The following COPZ1 variants were observed in gnomAD, a reference collection of about 807,000 sequenced individuals.
The protein encoded by COPZ1 is coat protein complex I subunit zeta 1, also known as coatomer subunit zeta-1.
COPZ1 carries 4 observed loss-of-function variants against 31.7 expected under a neutral mutation model. The ratio of observed to expected loss-of-function variants is 0.13; its 90% CI spans 0.06 to 0.29. The LOEUF (loss-of-function observed/expected upper bound fraction) is 0.29. Among genes scored for constraint, COPZ1 ranks in the 10% least tolerant of loss-of-function variants. The probability of loss-of-function intolerance (pLI) is 1.00; values close to 1 mark genes in which losing one functional copy is unlikely to be tolerated. For missense variants in COPZ1, 156 were observed against 211.5 expected (o/e 0.74, Z 1.63); for synonymous variants, 74 against 79.0 (o/e 0.94, Z 0.33).
intron 1 of COPZ1, among the ~76,000 whole-genome samples, chr12:54,336,105 C>A (rs893379086): frequency 6.6e-6 from 1 of 152,210 alleles, no homozygotes; most frequent in African/African-American, 2.4e-5. Flanking sequence ...ATCCTCTCTA[C>A]CTTCCCCAAA....
chr12:54,340,439 A>G, intron 1 of COPZ1, 108 bp from the exon 2 acceptor site: 7 of 1,528,984 alleles, frequency 4.6e-6, no homozygotes, highest in Non-Finnish European at 6.1e-6. Flanking sequence ...GGACTTACAG[A>G]GGTACCTCTG....
intron 1 of COPZ1, among the ~76,000 whole-genome samples, chr12:54,339,247 C>T (rs923224420): frequency 1.4e-5 from 2 of 147,318 alleles, no homozygotes; most frequent in Admixed American, 1.4e-4. Context: ...TACAGTGACA[C>T]CTTTTCTCTT....
At chr12:54,340,326 T>C (rs1052713666) in intron 1 of COPZ1, 2 of 621,698 alleles carry the variant, frequency 3.2e-6, no homozygotes, top group African/African-American at 1.9e-5. Context: ...TCTCTGATGG[T>C]ACTTTGGAAT....
chr12:54,339,980 C>T lies in COPZ1; in HGVS notation c.19-567C>T, dbSNP rs948279095. On this transcript the variant is annotated intron_variant, in intron 1 of 8. Coordinates refer to ENST00000262061, the MANE Select transcript of COPZ1 (RefSeq NM_016057.3). ...TGCATTGAGAACTGGTGTGCCTGTG[C>T]GTGTGTGTGTGTGTGTGTGTGTGTG... Among the ~76,000 whole-genome samples the T allele has an allele frequency of 2.8e-3, 398 of 142,164 alleles. 10 individuals are homozygous for T. Among genetic ancestry groups the T allele is most frequent in the Admixed American group, 0.025 (357 of 14,154 alleles). The allele number at this position is 142,164 out of a possible 152,430, so 93.3% of individuals were successfully genotyped here. A position where few individuals can be genotyped will look rare whatever the true frequency, so the allele number is the denominator to read the frequency against.
chr12:54,330,320 C>T (rs2137085657), intron 1 of COPZ1, among the ~76,000 whole-genome samples: 1 of 152,292 alleles, frequency 6.6e-6, no homozygotes, highest in South Asian at 2.1e-4. Flanking sequence ...TGCTGTTACT[C>T]TGGCCAGCTT....
chr12:54,327,740 G>A (rs1308328864), intron 1 of COPZ1, among the ~76,000 whole-genome samples: 1 of 151,906 alleles, frequency 6.6e-6, no homozygotes, highest in Non-Finnish European at 1.5e-5. Context: ...CTCCAGCATG[G>A]GTGACAAAGC....
At chr12:54,343,101 C>G in intron 3 of COPZ1, 124 bp from the exon 4 acceptor site, 2 of 759,568 alleles carry the variant, frequency 2.6e-6, no homozygotes, top group South Asian at 3.1e-5. Context: ...AGGTGATCCG[C>G]CAGGCTCGGC....
chr12:54,325,334 T>A, intron 1 of COPZ1, 153 bp downstream of exon 1: 1 of 1,044,400 alleles, frequency 9.6e-7, no homozygotes, highest in Non-Finnish European at 1.4e-6. Flanking sequence ...TGGCCTAGTG[T>A]AGGAGCTAAA....
At chr12:54,343,056 T>C (rs937506325) in intron 3 of COPZ1, among the ~76,000 whole-genome samples, 169 bp from the exon 4 acceptor site, 1 of 151,938 alleles carries the variant, frequency 6.6e-6, no homozygotes, top group Non-Finnish European at 1.5e-5. Flanking sequence ...GGGGTTTCAC[T>C]GTGTTGGCCA....
chr12:54,331,832 G>C (rs1180377715), intron 1 of COPZ1, among the ~76,000 whole-genome samples: 1 of 152,088 alleles, frequency 6.6e-6, no homozygotes, highest in Non-Finnish European at 1.5e-5. Flanking sequence ...TGTTATTTAA[G>C]TGAGGGCTCC....
At chr12:54,344,249 G>A (rs762607070) in intron 4 of COPZ1, among the ~76,000 whole-genome samples, 14 of 152,052 alleles carry the variant, frequency 9.2e-5, no homozygotes, top group African/African-American at 3.1e-4. Flanking sequence ...TCAGGAGTTC[G>A]CGACCAGGCT....
chr12:54,343,679 C>G (rs1442094143), intron 4 of COPZ1, among the ~76,000 whole-genome samples: 3 of 152,170 alleles, frequency 2.0e-5, no homozygotes, highest in African/African-American at 7.2e-5. Context: ...AGCTAACAAC[C>G]TGGGTCATGT....
intron 1 of COPZ1, among the ~76,000 whole-genome samples, chr12:54,328,423 A>G (rs1437222943): frequency 6.6e-6 from 1 of 150,634 alleles, no homozygotes; most frequent in Non-Finnish European, 1.5e-5. Context: ...TACAAAACTT[A>G]GCTGGGCGTG....
chr12:54,349,033 G>A (rs1954106226), intron 7 of COPZ1, among the ~76,000 whole-genome samples: 1 of 152,144 alleles, frequency 6.6e-6, no homozygotes, highest in African/African-American at 2.4e-5. Flanking sequence ...GACAGTGCTT[G>A]GTAATGGGAA....
chr12:54,350,269 C>T (rs1056285230), intron 8 of COPZ1: 1 of 724,806 alleles, frequency 1.4e-6, no homozygotes, highest in South Asian at 1.4e-5. Flanking sequence ...CTCTTCATCC[C>T]CTCAGTGGGT....
At chr12:54,332,310 CA>C (rs894231107) in intron 1 of COPZ1, among the ~76,000 whole-genome samples, 36 of 140,264 alleles carry the variant, frequency 2.6e-4, no homozygotes, top group Non-Finnish European at 3.4e-4. Context: ...GACTCCGTCT[CA>C]AAAAAAAAAA....
intron 1 of COPZ1, among the ~76,000 whole-genome samples, chr12:54,331,413 TTGTGATCCACA>T (rs1437271209): frequency 6.6e-6 from 1 of 152,114 alleles, no homozygotes; most frequent in African/African-American, 2.4e-5. Flanking sequence ...ACTCCTGACC[TTGTGATCCACA>T]TGCCTTGGCC....
chr12:54,348,124 G>A, intron 7 of COPZ1, 73 bp downstream of exon 7: 9 of 1,376,576 alleles, frequency 6.5e-6, no homozygotes, highest in Non-Finnish European at 8.3e-6. Flanking sequence ...CCTGCTGGAT[G>A]TGTCCAGTAG....
intron 5 of COPZ1, 46 bp downstream of exon 5, chr12:54,345,561 A>T: frequency 1.4e-6 from 2 of 1,443,688 alleles, no homozygotes; most frequent in Admixed American, 3.4e-5. Context: ...TGATGGAAAG[A>T]GCAGGGCATT....
Sources: gnomAD v4.1 joint callset for allele counts (sites outside exome capture counted in the v4.1 genomes callset) on GRCh38, gnomAD v4.1.1 for gene constraint, MANE v1.5 for transcripts, NCBI Gene and HGNC (gene_info 2026-07-23, HGNC 2026-07-21) for gene names.